CDR2L: variants seen among roughly 807,000 people sequenced by gnomAD.
CDR2L encodes the protein cerebellar degeneration related protein 2 like.
A neutral mutation model predicts 36.1 loss-of-function variants in CDR2L; 19 were observed. That is an observed-to-expected ratio of 0.53 (90% CI 0.37 to 0.77). CDR2L has a LOEUF of 0.77. Ranked by LOEUF, CDR2L falls within the 30% of genes least tolerant of loss-of-function variation. The pLI is 0.00. For missense variants in CDR2L, 575 were observed against 627.2 expected (o/e 0.92, Z 0.89); for synonymous variants, 285 against 280.4 (o/e 1.02, Z -0.16).
At position 75,002,083 on chromosome 17, in the gene CDR2L, C is replaced by T. The variant is rs540497526; in HGVS notation, c.361C>T (p.Arg121Cys). ...CCCCAGGCTGACGGAGACCATTGAG[C>T]GCCTCCAGGCTCAGGTGGAGGAGCT... The part of the protein sequence containing the change: ...KIHGLTETIE[R>C]LQAQVEELQA... Residue 121 changes from arginine (R) to cysteine (C), a missense_variant, in exon 4 of 5, where the codon CGC (arginine) becomes TGC (cysteine). Transcript: ENST00000337231. This position sits in a 1 kb window ranked among gnomAD's most constrained non-coding sequence, Gnocchi z 4.1. The T allele has an allele frequency of 3.0e-5, 48 of 1,594,636 alleles. No individual in the cohort carries two copies. Among genetic ancestry groups the T allele is most frequent in the South Asian group, 1.6e-4 (14 of 87,736 alleles).
intron 1 of CDR2L, among the ~76,000 whole-genome samples, chr17:74,991,056 G>A (rs899661230): frequency 1.3e-5 from 2 of 152,170 alleles, no homozygotes; most frequent in African/African-American, 2.4e-5. Flanking sequence ...GACAAGTGAG[G>A]TCCTAGATTC....
At chr17:74,994,208 G>A (rs985199189) in intron 1 of CDR2L, among the ~76,000 whole-genome samples, 3 of 152,196 alleles carry the variant, frequency 2.0e-5, no homozygotes, top group African/African-American at 4.8e-5. Context: ...CTTTCTGTCC[G>A]GGAGTATAGA....
In CDR2L at chr17:74,988,038, G is replaced by A. The variant is rs1598649928; in HGVS notation, c.-6G>A. 6.6e-7 allele frequency: 1 copy of A among 1,515,192 alleles called. No homozygotes were observed. Among genetic ancestry groups the A allele is most frequent in the Non-Finnish European group, 8.8e-7 (1 of 1,133,180 alleles). The allele number at this position is 1,515,192 out of a possible 1,614,324, so 93.9% of individuals were successfully genotyped here. ...GCCGCAGCACCCGCCCGCCGCCCGC[G>A]GGGCCATGCGGAGAGCCGCCGGGAT... is the stretch of plus-strand genomic sequence containing the variant. On this transcript the variant is annotated 5_prime_UTR_variant, in exon 1 of 5. Coordinates refer to ENST00000337231, the MANE Select transcript of CDR2L (RefSeq NM_014603.3).
chr17:74,999,673 G>A lies in CDR2L; in HGVS notation c.192+57G>A. On this transcript the variant is annotated intron_variant, in intron 2 of 4. Transcript: ENST00000337231. ...CTCGAGGGCCCCTTGGCCTGTGTGT[G>A]CCTTTATGCAACTTAGAATAAGGTG... 3 of 1,052,044 alleles carry A rather than the reference G, an allele frequency of 2.9e-6. No individual in the cohort carries two copies. In the East Asian group the frequency reaches 7.8e-5, roughly 27 times the overall value. 65.2% of individuals were successfully genotyped at this position (1,052,044 alleles called of 1,614,324 possible). A position where few individuals can be genotyped will look rare whatever the true frequency, so the allele number is the denominator to read the frequency against.
chr17:74,998,956 C>T (rs1179132562), intron 1 of CDR2L, among the ~76,000 whole-genome samples: 1 of 152,196 alleles, frequency 6.6e-6, no homozygotes, highest in Non-Finnish European at 1.5e-5. Flanking sequence ...GCCCAGCAGC[C>T]TGTTGATAAG....
In CDR2L at chr17:74,987,846, G is replaced by A. The variant is rs2039772530; in HGVS notation, c.-198G>A. On this transcript the variant is annotated 5_prime_UTR_variant, in exon 1 of 5. Transcript: ENST00000337231. ...GTGCCCCCGGCTCTGCGGGACCCCG[G>A]CCGGGCCGGACCCTGGCAAAGCGCC... 3.8e-6 allele frequency: 1 copy of A among 265,242 alleles called. No individual in the cohort carries two copies. The highest frequency in any genetic ancestry group is 2.3e-5 in the African/African-American group (1 of 44,288). 16.4% of individuals were successfully genotyped at this position (265,242 alleles called of 1,614,324 possible).
Position 75,002,268 on chromosome 17 carries a change from C to G in CDR2L, c.506+40C>G, listed in dbSNP as rs771245136. ...TGCTTGGTGTCTCTGGGATTGCCAG[C>G]CATGGGAGGAAGGAGAGGCAGCAGG... On this transcript the variant is annotated intron_variant, in intron 4 of 4. Transcript: ENST00000337231. This position sits in a 1 kb window ranked among gnomAD's most constrained non-coding sequence, Gnocchi z 4.1. The G allele has an allele frequency of 6.4e-7, 1 of 1,569,040 alleles. No homozygotes were observed.
rs2039784843 is a variant in CDR2L, at chr17:74,989,628, A to G, written c.79+1506A>G. 6.6e-6 allele frequency among the ~76,000 whole-genome samples: 1 copy of G among 151,962 alleles called. No individual in the cohort carries two copies. Among genetic ancestry groups the G allele is most frequent in the Non-Finnish European group, 1.5e-5 (1 of 67,972 alleles). Reference sequence around the variant, plus strand: ...GCTTGTAACTAAGTGTAGGTGGCACAGTATTTTTTTCTTTTTTCTTTTTAT... The same window carrying G: ...GCTTGTAACTAAGTGTAGGTGGCACGGTATTTTTTTCTTTTTTCTTTTTAT... On this transcript the variant is annotated intron_variant, in intron 1 of 4. Coordinates refer to ENST00000337231, the MANE Select transcript of CDR2L (RefSeq NM_014603.3). The surrounding 1 kb of genome is among the most constrained non-coding windows in gnomAD (Gnocchi z 4.2).
chr17:74,988,219 G>A, intron 1 of CDR2L, 97 bp downstream of exon 1: 2 of 864,296 alleles, frequency 2.3e-6, no homozygotes, highest in Non-Finnish European at 3.3e-6. Context: ...GGAGGGGCTG[G>A]GCTGGACCGG....
In CDR2L at chr17:75,003,950, T is replaced by C. The variant is rs755120289; in HGVS notation, c.1274T>C (p.Val425Ala). 12 of 1,610,848 alleles carry C rather than the reference T, an allele frequency of 7.4e-6. No individual in the cohort carries two copies. The highest frequency in any genetic ancestry group is 1.0e-5 in the Non-Finnish European group (12 of 1,178,748). The change falls in exon 5 of 5, where the codon GTG becomes GCG. Residue 425 changes from valine (V) to alanine (A), a missense_variant. Physicochemically the swap from Val to Ala is moderately conservative, Grantham distance 64. Transcript: ENST00000337231. ...AGCCTGAGCCAGCACGTGGAGGCCGTGGACAAGCGGCTGGAACAGAGCCAG... is the reference window on the plus strand; with the variant it reads ...AGCCTGAGCCAGCACGTGGAGGCCGCGGACAAGCGGCTGGAACAGAGCCAG... ...EKSLSQHVEA[V>A]DKRLEQSQPE...
Position 74,999,528 on chromosome 17 carries a change from G to C in CDR2L, c.104G>C (p.Gly35Ala). The change falls in exon 2 of 5, where the codon GGG becomes GCG. Residue 35 changes from glycine to alanine, a missense_variant. Gly to Ala is a moderately conservative substitution (Grantham distance 60, BLOSUM62 0). Coordinates refer to ENST00000337231, the MANE Select transcript of CDR2L (RefSeq NM_014603.3). ...EQDLHLAAEL[G>A]KTLLERNKEL... ...GACTTGCACCTAGCTGCGGAGCTGGGGAAGACTCTGCTGGAGAGGAACAAG... is the reference window on the plus strand; with the variant it reads ...GACTTGCACCTAGCTGCGGAGCTGGCGAAGACTCTGCTGGAGAGGAACAAG... 1 of 1,582,410 alleles carries C rather than the reference G, an allele frequency of 6.3e-7. No individual in the cohort carries two copies. Among genetic ancestry groups the C allele is most frequent in the Non-Finnish European group, 8.6e-7 (1 of 1,164,468 alleles).
At position 75,003,992 on chromosome 17, in the gene CDR2L, T is replaced by A; in HGVS notation, c.1316T>A (p.Leu439His). 1 of 1,610,206 alleles carries A rather than the reference T, an allele frequency of 6.2e-7. No individual in the cohort carries two copies. The highest frequency in any genetic ancestry group is 1.1e-5 in the South Asian group (1 of 90,370). The change falls in exon 5 of 5, where the codon CTC becomes CAC. Residue 439 changes from leucine to histidine, a missense_variant. Physicochemically the swap from Leu to His is moderately conservative, Grantham distance 99. Transcript: ENST00000337231. ...CAGAGCCAGCCCGAGTACAAGGCGC[T>A]CTTCAAAGAGATCTTCTCCAGGATC... ...LEQSQPEYKA[L>H]FKEIFSRIQK...
chr17:74,990,847 C>T (rs1392130921), intron 1 of CDR2L, among the ~76,000 whole-genome samples: 1 of 152,226 alleles, frequency 6.6e-6, no homozygotes, highest in Admixed American at 6.5e-5. Flanking sequence ...ATCTCCCAAC[C>T]CACAAATTCT....
chr17:74,993,282 C>CT (rs58010394), intron 1 of CDR2L, among the ~76,000 whole-genome samples: 2,712 of 147,020 alleles, frequency 0.018, 75 homozygotes, highest in African/African-American at 0.062. Context: ...GTAGTTCAAT[C>CT]TTTTTTTTTT....
intron 1 of CDR2L, among the ~76,000 whole-genome samples, chr17:74,992,343 C>A (rs987995091): frequency 2.6e-5 from 4 of 151,996 alleles, no homozygotes; most frequent in African/African-American, 9.7e-5. Flanking sequence ...AGGTGCCAAC[C>A]CAGACTTAAT....
chr17:75,003,818 T>G lies in CDR2L; in HGVS notation c.1142T>G (p.Val381Gly). 7 of 1,553,842 alleles carry G rather than the reference T, an allele frequency of 4.5e-6. No homozygotes were observed. Among genetic ancestry groups the G allele is most frequent in the South Asian group, 1.2e-5 (1 of 84,308 alleles). ...LSKCRQHGAG[V>G]RHAGVQTSRP... is the part of the protein sequence containing the mutation. Reference sequence around the variant, plus strand: ...AAGTGCCGGCAGCACGGGGCCGGAGTGCGGCACGCCGGCGTGCAGACCTCG... The same window carrying G: ...AAGTGCCGGCAGCACGGGGCCGGAGGGCGGCACGCCGGCGTGCAGACCTCG... The change falls in exon 5 of 5, where the codon GTG (valine) becomes GGG (glycine). Residue 381 changes from valine to glycine, a missense_variant. By Grantham distance (109) the Val-to-Gly change is moderately radical (BLOSUM62 -3). Coordinates refer to ENST00000337231, the MANE Select transcript of CDR2L (RefSeq NM_014603.3).
intron 2 of CDR2L, among the ~76,000 whole-genome samples, chr17:75,000,941 A>T (rs191179450): frequency 4.8e-4 from 71 of 147,588 alleles, no homozygotes; most frequent in East Asian, 1.2e-3. Flanking sequence ...TAATTAATTT[A>T]AAAAAAAAAG....
At chr17:74,995,607 T>G (rs2039820316) in intron 1 of CDR2L, among the ~76,000 whole-genome samples, 1 of 152,142 alleles carries the variant, frequency 6.6e-6, no homozygotes, top group Non-Finnish European at 1.5e-5. Flanking sequence ...CAGGTTCAAG[T>G]GATCCTCCTG....
intron 2 of CDR2L, among the ~76,000 whole-genome samples, chr17:75,000,620 A>G (rs965618997): frequency 1.4e-5 from 2 of 147,536 alleles, no homozygotes; most frequent in Non-Finnish European, 3.0e-5. Context: ...TAGAAGTTAA[A>G]AAAAAAAAAA....
Sources: gnomAD v4.1 joint callset for allele counts (sites outside exome capture counted in the v4.1 genomes callset) on GRCh38, gnomAD v4.1.1 for gene constraint, Gnocchi (gnomAD v3.1) non-coding constraint, MANE v1.5 for transcripts, NCBI Gene and HGNC (gene_info 2026-07-23, HGNC 2026-07-21) for gene names.